The following CSMD1 variants were observed in gnomAD, a reference collection of about 807,000 sequenced individuals.
CSMD1 encodes the protein CUB and Sushi multiple domains 1.
In CSMD1, 213 loss-of-function variants were observed where a neutral mutation model predicts 417.5. That is an observed-to-expected ratio of 0.51 (90% CI 0.46 to 0.57). The LOEUF (loss-of-function observed/expected upper bound fraction) is 0.57, where lower values mean the gene tolerates loss of function less well. Among genes scored for constraint, CSMD1 ranks in the 20% least tolerant of loss-of-function variants. The probability of loss-of-function intolerance (pLI) is 0.00; values close to 1 mark genes in which losing one functional copy is unlikely to be tolerated. For synonymous variants in CSMD1, 2,862 were observed against 1,736.8 expected (o/e 1.65, Z -16.11); for missense variants, 6,923 against 4,529.7 (o/e 1.53, Z -15.17).
At chr8:3,079,176 G>A (rs1307207410) in intron 49 of CSMD1, among the ~76,000 whole-genome samples, 2 of 152,096 alleles carry the variant, frequency 1.3e-5, no homozygotes, top group Non-Finnish European at 2.9e-5. Flanking sequence ...TTTAAGCAAG[G>A]GCAACTGGGA....
At chr8:3,451,924 G>A (rs1434362597) in intron 12 of CSMD1, among the ~76,000 whole-genome samples, 8 of 152,222 alleles carry the variant, frequency 5.3e-5, no homozygotes, top group South Asian at 2.1e-4. Flanking sequence ...CCATTTTCAC[G>A]ACATTGATTC....
intron 1 of CSMD1, among the ~76,000 whole-genome samples, chr8:4,844,149 A>G (rs867108804): frequency 2.0e-4 from 31 of 152,286 alleles, no homozygotes; most frequent in Middle Eastern, 6.8e-3. Context: ...TATTTTTTCA[A>G]CCAAATATGA....
At chr8:3,539,553 A>G (rs1318619404) in intron 10 of CSMD1, among the ~76,000 whole-genome samples, 2 of 152,144 alleles carry the variant, frequency 1.3e-5, no homozygotes, top group Non-Finnish European at 2.9e-5. Flanking sequence ...TGCAAGGAAA[A>G]GCGTGATTCA....
intron 3 of CSMD1, among the ~76,000 whole-genome samples, chr8:4,135,337 A>T (rs79627718): frequency 3.0e-5 from 1 of 33,818 alleles, no homozygotes; most frequent in Non-Finnish European, 6.3e-5. Context: ...GGAAGGGGAA[A>T]GAAGGAAGGA....
intron 2 of CSMD1, among the ~76,000 whole-genome samples, chr8:4,517,841 C>G (rs1803207944): frequency 1.3e-5 from 2 of 152,146 alleles, no homozygotes; most frequent in African/African-American, 2.4e-5. Context: ...CAACAGTTGT[C>G]AGATGCAAAA....
chr8:4,615,468 G>C (rs1343666968), intron 2 of CSMD1, among the ~76,000 whole-genome samples: 1 of 152,034 alleles, frequency 6.6e-6, no homozygotes, highest in Admixed American at 6.6e-5. Context: ...TCATTGATTA[G>C]GTCAAAGTAA....
intron 5 of CSMD1, among the ~76,000 whole-genome samples, chr8:3,948,620 C>G (rs1363493361): frequency 6.6e-6 from 1 of 152,152 alleles, no homozygotes. Context: ...ATTCCACATA[C>G]TTACTGCTTT....
At chr8:3,362,071 T>C (rs551494490) in intron 20 of CSMD1, among the ~76,000 whole-genome samples, 1 of 151,874 alleles carries the variant, frequency 6.6e-6, no homozygotes, top group East Asian at 1.9e-4. Flanking sequence ...ATCCTTTTTT[T>C]CCCCCTTCAT....
intron 12 of CSMD1, among the ~76,000 whole-genome samples, chr8:3,458,926 A>G (rs1816320930): frequency 6.6e-6 from 1 of 152,200 alleles, no homozygotes; most frequent in Non-Finnish European, 1.5e-5. Context: ...ACAGGGAAAC[A>G]TTGGAAGGAA....
At chr8:3,361,544 C>T (rs751194981) in intron 20 of CSMD1, among the ~76,000 whole-genome samples, 24 of 146,824 alleles carry the variant, frequency 1.6e-4, no homozygotes, top group African/African-American at 4.3e-4. Context: ...CCCAGCTACT[C>T]GGGAGGCCGA....
chr8:3,257,547 T>TG (rs1187530577), intron 26 of CSMD1, among the ~76,000 whole-genome samples: 1 of 152,122 alleles, frequency 6.6e-6, no homozygotes, highest in Non-Finnish European at 1.5e-5. Flanking sequence ...CTGAGAGTGC[T>TG]GGGGGGCAGT....
intron 49 of CSMD1, among the ~76,000 whole-genome samples, chr8:3,064,561 G>C (rs921018864): frequency 8.6e-5 from 13 of 152,004 alleles, no homozygotes; most frequent in Admixed American, 6.6e-4. Context: ...GTGTGAGAAT[G>C]GATTAATACA....
In CSMD1 at chr8:4,764,233, G is replaced by C. The variant is rs560310812; in HGVS notation, c.86-126675C>G. Among the ~76,000 whole-genome samples the C allele has an allele frequency of 2.0e-5, 3 of 152,302 alleles. No individual in the cohort carries two copies. The South Asian group carries it at 6.2e-4, about 32-fold the overall frequency. On this transcript the variant is annotated intron_variant, in intron 1 of 69. Coordinates refer to ENST00000635120, the MANE Select transcript of CSMD1 (RefSeq NM_033225.6). ...GGTAGATAATAAAAGTTAGACAGTCGTATTGTACAGAGATTAGGGAAATAT... is the reference window on the plus strand; with the variant it reads ...GGTAGATAATAAAAGTTAGACAGTCCTATTGTACAGAGATTAGGGAAATAT...
At chr8:3,737,609 C>G (rs983231531) in intron 6 of CSMD1, among the ~76,000 whole-genome samples, 3 of 152,270 alleles carry the variant, frequency 2.0e-5, no homozygotes, top group Admixed American at 1.3e-4. Context: ...AGAGATCACC[C>G]TCTCAGTTAC....
At chr8:3,411,615 C>A (rs1307398712) in intron 12 of CSMD1, among the ~76,000 whole-genome samples, 2 of 149,482 alleles carry the variant, frequency 1.3e-5, no homozygotes, top group African/African-American at 5.0e-5. Flanking sequence ...GCTGCGAATG[C>A]CATTAATTCA....
At chr8:3,930,342 T>C (rs527558826) in intron 5 of CSMD1, among the ~76,000 whole-genome samples, 1 of 150,772 alleles carries the variant, frequency 6.6e-6, no homozygotes, top group African/African-American at 2.4e-5. Flanking sequence ...CTGCCAGCCA[T>C]AATAAAGAAA....
At chr8:4,409,363 C>A (rs757082621) in intron 3 of CSMD1, among the ~76,000 whole-genome samples, 3 of 152,098 alleles carry the variant, frequency 2.0e-5, no homozygotes, top group African/African-American at 7.2e-5. Flanking sequence ...CCTCGAATTG[C>A]CTCAGACTAA....
chr8:3,287,208 TGTA>T (rs1191258467), intron 25 of CSMD1, among the ~76,000 whole-genome samples: 1 of 134,458 alleles, frequency 7.4e-6, no homozygotes, highest in African/African-American at 2.8e-5. Context: ...ACTGTAGCCT[TGTA>T]GTACAGTTTG....
intron 6 of CSMD1, among the ~76,000 whole-genome samples, chr8:3,712,392 GAGAGAGAGACAGACAGAC>G (rs1282024993): frequency 9.0e-4 from 43 of 47,548 alleles, no homozygotes; most frequent in East Asian, 1.9e-3. Flanking sequence ...GAGAGAGAGA[GAGAGAGAGACAGACAGAC>G]AGACAGACAG....
Sources: allele counts gnomAD v4.1 joint callset (sites outside exome capture counted in the v4.1 genomes callset), GRCh38; gene constraint gnomAD v4.1.1; transcripts MANE v1.5; gene names NCBI Gene and HGNC (gene_info 2026-07-23, HGNC 2026-07-21).